The following ATP10B variants were observed in gnomAD, a reference collection of about 807,000 sequenced individuals.
ATP10B encodes the protein ATPase phospholipid transporting 10B (putative).
ATP10B carries 122 observed loss-of-function variants against 141.2 expected under a neutral mutation model. That is an observed-to-expected ratio of 0.86 (90% CI 0.75 to 1.00). The LOEUF is 1.00. Ranked by LOEUF, ATP10B falls within the 50% of genes least tolerant of loss-of-function variation. ATP10B has a pLI of 0.00. For synonymous variants in ATP10B, 685 were observed against 692.0 expected (o/e 0.99, Z 0.16); for missense variants, 1,876 against 1,825.3 (o/e 1.03, Z -0.51).
chr5:160,591,003 A>G, intron 23 of ATP10B, 56 bp downstream of exon 23: 1 of 1,435,276 alleles, frequency 7.0e-7, no homozygotes, highest in Non-Finnish European at 9.7e-7. Flanking sequence ...CTTTATATAA[A>G]AAGGACCAGT....
Position 160,785,669 on chromosome 5 carries a change from A to C in ATP10B, c.-441T>G, listed in dbSNP as rs1771089818. On this transcript the variant is annotated 5_prime_UTR_variant, in exon 2 of 26. An upstream start codon of the reference 5' UTR is lost. Transcript: ENST00000327245. ...CATGTGTAAGAAATGGTAGTTTCTC[A>C]TCTTGGCAGTGGAGAGGAGTTCATT... The C allele has an allele frequency of 7.8e-7, 1 of 1,287,936 alleles. No individual in the cohort carries two copies. The highest frequency in any genetic ancestry group is 5.6e-5 in the East Asian group (1 of 17,990). The allele number at this position is 1,287,936 out of a possible 1,614,324, so 79.8% of individuals were successfully genotyped here.
At position 160,565,532 on chromosome 5, in the gene ATP10B, T is replaced by C; in HGVS notation, c.4307A>G (p.Tyr1436Cys). The C allele has an allele frequency of 1.2e-6, 2 of 1,614,092 alleles. No individual in the cohort carries two copies. The highest frequency in any genetic ancestry group is 1.7e-6 in the Non-Finnish European group (2 of 1,179,972). ...GCACATATCAGTCTGTCCTCTTGAG[T>C]AGGCCATTATCCTGTTAGGTCCCAG... ...HLLGPNRIMA[Y>C]SRGQTDMCRC... is the part of the protein sequence containing the mutation. The change falls in exon 26 of 26, where the codon TAC (tyrosine) becomes TGC (cysteine). Residue 1436 changes from tyrosine to cysteine, a missense_variant. By Grantham distance (194) the Tyr-to-Cys change is radical. Coordinates refer to ENST00000327245, the MANE Select transcript of ATP10B (RefSeq NM_025153.3).
intron 1 of ATP10B, among the ~76,000 whole-genome samples, chr5:160,818,692 A>G (rs949973021): frequency 9.2e-5 from 14 of 152,236 alleles, no homozygotes; most frequent in African/African-American, 3.4e-4. Context: ...ATAAAGACAC[A>G]TACACAAATA....
intron 24 of ATP10B, among the ~76,000 whole-genome samples, chr5:160,587,272 G>A (rs1168817915): frequency 2.6e-5 from 4 of 152,196 alleles, no homozygotes; most frequent in Admixed American, 6.5e-5. Flanking sequence ...TTGTAGGTGT[G>A]TGGTGTTATT....
intron 18 of ATP10B, chr5:160,612,132 C>T (rs1214922175): frequency 6.6e-6 from 1 of 152,216 alleles, no homozygotes; most frequent in Non-Finnish European, 1.5e-5. Context: ...TTCATTCTTT[C>T]TCTTTCTCAT....
the ATP10B span, among the ~76,000 whole-genome samples, chr5:160,876,014 T>A: frequency 1.6e-5 from 1 of 61,054 alleles, no homozygotes. Context: ...GGAATTGAAC[T>A]CACCTCTGCA....
chr5:160,867,548 A>G, the ATP10B span, among the ~76,000 whole-genome samples: 1 of 152,148 alleles, frequency 6.6e-6, no homozygotes, highest in Non-Finnish European at 1.5e-5. Flanking sequence ...TTTTTCCAAA[A>G]TTGTACAAAT....
chr5:160,915,859 A>G, the ATP10B span, among the ~76,000 whole-genome samples: 2 of 152,142 alleles, frequency 1.3e-5, no homozygotes, highest in African/African-American at 4.8e-5. Context: ...ACACTTGCAT[A>G]TATACTCAGA....
chr5:160,888,978 T>G, the ATP10B span, among the ~76,000 whole-genome samples: 1 of 152,192 alleles, frequency 6.6e-6, no homozygotes, highest in African/African-American at 2.4e-5. Flanking sequence ...AAACTCACAT[T>G]GTTAATGTCA....
intron 3 of ATP10B, among the ~76,000 whole-genome samples, chr5:160,706,141 A>T (rs1404345936): frequency 6.6e-6 from 1 of 152,212 alleles, no homozygotes; most frequent in Non-Finnish European, 1.5e-5. Context: ...TAGTAACATC[A>T]AAGATCACTG....
chr5:160,721,312 C>T (rs1581413708), intron 2 of ATP10B, among the ~76,000 whole-genome samples: 2 of 152,018 alleles, frequency 1.3e-5, no homozygotes, highest in East Asian at 1.9e-4. Flanking sequence ...TTTTGAGGTA[C>T]AAAATAGATT....
At chr5:160,849,172 T>C (rs1157747639) in intron 1 of ATP10B, among the ~76,000 whole-genome samples, 1 of 152,124 alleles carries the variant, frequency 6.6e-6, no homozygotes, top group East Asian at 1.9e-4. Flanking sequence ...TACGGTAGCA[T>C]GTGTGTGAAG....
intron 24 of ATP10B, among the ~76,000 whole-genome samples, chr5:160,583,303 T>C (rs1162313833): frequency 6.6e-6 from 1 of 152,220 alleles, no homozygotes; most frequent in Non-Finnish European, 1.5e-5. Context: ...TGCTATTCCT[T>C]TCTGTTTGTT....
At chr5:160,817,211 T>A (rs956320477) in intron 1 of ATP10B, among the ~76,000 whole-genome samples, 1 of 152,166 alleles carries the variant, frequency 6.6e-6, no homozygotes, top group African/African-American at 2.4e-5. Flanking sequence ...GGAAGTCAAA[T>A]GGTCCCTGTT....
chr5:160,860,030 T>TA, the ATP10B span, among the ~76,000 whole-genome samples: 48 of 152,030 alleles, frequency 3.2e-4, no homozygotes, highest in South Asian at 9.7e-3. Flanking sequence ...TTTTTATTTC[T>TA]AAAAAATATA....
At chr5:160,599,616 C>T (rs908478641) in intron 21 of ATP10B, among the ~76,000 whole-genome samples, 10 of 152,158 alleles carry the variant, frequency 6.6e-5, no homozygotes, top group Non-Finnish European at 1.0e-4. Flanking sequence ...GAGCAGGACA[C>T]CTGGTAGGAC....
chr5:160,705,814 T>C (rs1764981333), intron 3 of ATP10B, among the ~76,000 whole-genome samples: 1 of 152,228 alleles, frequency 6.6e-6, no homozygotes, highest in African/African-American at 2.4e-5. Context: ...TGGTCAACTA[T>C]TTGGTGCAAG....
At chr5:160,851,151 C>A (rs543279616) in intron 1 of ATP10B, among the ~76,000 whole-genome samples, 3 of 152,278 alleles carry the variant, frequency 2.0e-5, no homozygotes, top group South Asian at 2.1e-4. Context: ...GCCTACCTGG[C>A]AAATTCAGAG....
At chr5:160,700,599 T>A (rs1192192598) in intron 3 of ATP10B, among the ~76,000 whole-genome samples, 2 of 152,204 alleles carry the variant, frequency 1.3e-5, no homozygotes, top group Admixed American at 6.5e-5. Flanking sequence ...CATTCCTCTG[T>A]TTTGTCTGAG....
Sources: gnomAD v4.1 joint callset for allele counts (sites outside exome capture counted in the v4.1 genomes callset) on GRCh38, gnomAD v4.1.1 for gene constraint, MANE v1.5 for transcripts, NCBI Gene and HGNC (gene_info 2026-07-23, HGNC 2026-07-21) for gene names.